The following AKR1C8 variants were observed in gnomAD, a reference collection of about 807,000 sequenced individuals.
AKR1C8 encodes the protein aldo-keto reductase family 1 member C-like protein 1.
chr10:5,158,427 T>C, the AKR1C8 span, among the ~76,000 whole-genome samples: 169 of 152,206 alleles, frequency 1.1e-3, 1 homozygote, highest in Non-Finnish European at 4.6e-4. Context: ...AAGGAAAGAA[T>C]GTTGGTGACA....
At chr10:5,128,516 C>T in the AKR1C8 span, among the ~76,000 whole-genome samples, 1 of 151,860 alleles carries the variant, frequency 6.6e-6, no homozygotes, top group Non-Finnish European at 1.5e-5. Context: ...AATCACAAAC[C>T]AAATACCTGC....
chr10:5,161,680 G>A, the AKR1C8 span: 9 of 532,666 alleles, frequency 1.7e-5, 1 homozygote, highest in African/African-American at 7.7e-5. Flanking sequence ...AAATCTTGAT[G>A]GTAGAGTCAC....
chr10:5,123,300 C>A, the AKR1C8 span: 2 of 250,942 alleles, frequency 8.0e-6, no homozygotes, highest in South Asian at 7.7e-5. Flanking sequence ...ATCTGCTGTT[C>A]ATTGGAGCTC....
chr10:5,178,557 T>C, the AKR1C8 span, among the ~76,000 whole-genome samples: 1 of 152,196 alleles, frequency 6.6e-6, no homozygotes, highest in Non-Finnish European at 1.5e-5. Flanking sequence ...GTCTCATTGA[T>C]CTGTCTAATG....
chr10:5,149,466 C>A, the AKR1C8 span, among the ~76,000 whole-genome samples: 1 of 152,066 alleles, frequency 6.6e-6, no homozygotes, highest in Non-Finnish European at 1.5e-5. Context: ...TTTTAAAGAC[C>A]TTTCTATCTC....
At chr10:5,126,536 T>C in the AKR1C8 span, among the ~76,000 whole-genome samples, 2 of 152,140 alleles carry the variant, frequency 1.3e-5, no homozygotes, top group Non-Finnish European at 2.9e-5. Context: ...ACTTCATTTA[T>C]CTACCTACTT....
the AKR1C8 span, among the ~76,000 whole-genome samples, chr10:5,176,574 G>A: frequency 0.12 from 18,557 of 149,870 alleles, 1,320 homozygotes; most frequent in Admixed American, 0.17. Context: ...TGGGCAGTAT[G>A]GCCATTTTCA....
chr10:5,132,640 C>T, the AKR1C8 span: 3 of 1,591,184 alleles, frequency 1.9e-6, no homozygotes, highest in Non-Finnish European at 2.6e-6. Context: ...TTCACACTGT[C>T]ATCTGCAATC....
the AKR1C8 span, among the ~76,000 whole-genome samples, chr10:5,153,223 A>G: frequency 7.3e-6 from 1 of 137,824 alleles, no homozygotes; most frequent in South Asian, 2.2e-4. Flanking sequence ...TGGATACTCA[A>G]TAAAGTTTTG....
the AKR1C8 span, among the ~76,000 whole-genome samples, chr10:5,116,875 G>A: frequency 6.6e-6 from 1 of 152,172 alleles, no homozygotes; most frequent in East Asian, 1.9e-4. Flanking sequence ...CACTGGAAAT[G>A]TTAAATCCTG....
chr10:5,141,580 A>T, the AKR1C8 span, among the ~76,000 whole-genome samples: 1 of 152,192 alleles, frequency 6.6e-6, no homozygotes, highest in South Asian at 2.1e-4. Context: ...CTTGAAAGTT[A>T]AAATTGCTCC....
the AKR1C8 span, among the ~76,000 whole-genome samples, chr10:5,137,931 A>G: frequency 4.6e-5 from 7 of 152,170 alleles, no homozygotes; most frequent in African/African-American, 1.7e-4. Flanking sequence ...GGCAAAAAGC[A>G]GAACTACTAA....
At chr10:5,178,579 G>GTGTT in the AKR1C8 span, among the ~76,000 whole-genome samples, 1 of 152,080 alleles carries the variant, frequency 6.6e-6, no homozygotes, top group South Asian at 2.1e-4. Context: ...TGACAGTGGG[G>GTGTT]TGTTAAAGTC....
chr10:5,142,730 A>G, the AKR1C8 span, among the ~76,000 whole-genome samples: 208 of 152,246 alleles, frequency 1.4e-3, no homozygotes, highest in African/African-American at 4.9e-3. Context: ...CAAAACAAGT[A>G]TAACAGTAAC....
the AKR1C8 span, among the ~76,000 whole-genome samples, chr10:5,126,625 A>T: frequency 1.3e-5 from 2 of 152,064 alleles, no homozygotes; most frequent in Admixed American, 1.3e-4. Flanking sequence ...ATACTCAATA[A>T]ATAAAATAAA....
chr10:5,132,381 A>G, the AKR1C8 span, among the ~76,000 whole-genome samples: 12 of 152,234 alleles, frequency 7.9e-5, no homozygotes, highest in Non-Finnish European at 1.5e-4. Flanking sequence ...CTGTGGCTCA[A>G]AAAAGTAAAG....
chr10:5,131,427 C>T, the AKR1C8 span, among the ~76,000 whole-genome samples: 3 of 151,962 alleles, frequency 2.0e-5, no homozygotes, highest in South Asian at 4.2e-4. Context: ...TTGCAAACTA[C>T]GCTTCCATCA....
chr10:5,139,878 A>C, the AKR1C8 span, among the ~76,000 whole-genome samples: 5 of 152,280 alleles, frequency 3.3e-5, no homozygotes, highest in East Asian at 9.7e-4. Flanking sequence ...AATGGGAGAA[A>C]ATTTTTGCAA....
At chr10:5,184,425 A>T in the AKR1C8 span, among the ~76,000 whole-genome samples, 1 of 152,252 alleles carries the variant, frequency 6.6e-6, no homozygotes, top group Non-Finnish European at 1.5e-5. Context: ...CTGTAACAGA[A>T]TCGCAGTGGC....
Sources: gnomAD v4.1 joint callset for allele counts (sites outside exome capture counted in the v4.1 genomes callset) on GRCh38, gnomAD v4.1.1 for gene constraint, MANE v1.5 for transcripts, NCBI Gene and HGNC (gene_info 2026-07-23, HGNC 2026-07-21) for gene names.